Variants in PLXNA2 observed in about 807,000 individuals in gnomAD.
PLXNA2 encodes plexin A2.
In PLXNA2, 91 loss-of-function variants were observed where a neutral mutation model predicts 193.5. That is an observed-to-expected ratio of 0.47 (90% CI 0.40 to 0.56). The LOEUF (loss-of-function observed/expected upper bound fraction) is 0.56, where lower values mean the gene tolerates loss of function less well. Ranked by LOEUF, PLXNA2 falls within the 20% of genes least tolerant of loss-of-function variation. The pLI, the probability that PLXNA2 is intolerant of heterozygous loss-of-function variation, is 0.00. For synonymous variants in PLXNA2, 997 were observed against 1,027.3 expected (o/e 0.97, Z 0.56); for missense variants, 1,995 against 2,503.2 (o/e 0.80, Z 4.33).
intron 4 of PLXNA2, among the ~76,000 whole-genome samples, chr1:208,127,672 G>A (rs1243622574): frequency 1.3e-5 from 2 of 152,122 alleles, no homozygotes; most frequent in East Asian, 3.9e-4. Context: ...GAGGATGAAG[G>A]GAAAAGGATG....
intron 3 of PLXNA2, among the ~76,000 whole-genome samples, chr1:208,190,286 G>GAGTA (rs1164403242): frequency 6.6e-6 from 1 of 152,182 alleles, no homozygotes; most frequent in Non-Finnish European, 1.5e-5. Context: ...TTTTGTAGAT[G>GAGTA]AGTAGACTTT....
intron 2 of PLXNA2, among the ~76,000 whole-genome samples, chr1:208,210,706 C>T (rs1670914971): frequency 6.6e-6 from 1 of 152,190 alleles, no homozygotes; most frequent in South Asian, 2.1e-4. Flanking sequence ...GCTGGCGTCA[C>T]CTGTATCTAC....
intron 9 of PLXNA2, among the ~76,000 whole-genome samples, chr1:208,089,805 C>T (rs2498024): frequency 0.14 from 21,779 of 152,064 alleles, 1,821 homozygotes; most frequent in East Asian, 0.33. Flanking sequence ...CTAGGAACCC[C>T]TAAAGAGATA....
At chr1:208,206,396 A>G (rs755985899) in intron 3 of PLXNA2, among the ~76,000 whole-genome samples, 3 of 152,212 alleles carry the variant, frequency 2.0e-5, no homozygotes, top group Non-Finnish European at 4.4e-5. Flanking sequence ...CTAAAATCCC[A>G]AGATCCTTTT....
intron 2 of PLXNA2, among the ~76,000 whole-genome samples, chr1:208,214,660 A>T (rs1368081931): frequency 6.6e-6 from 1 of 152,158 alleles, no homozygotes; most frequent in Non-Finnish European, 1.5e-5. Flanking sequence ...AGCCCTCAGC[A>T]CTGTGTACAA....
At chr1:208,143,831 A>G (rs1393598823) in intron 3 of PLXNA2, among the ~76,000 whole-genome samples, 12 of 151,960 alleles carry the variant, frequency 7.9e-5, no homozygotes, top group Admixed American at 7.9e-4. Flanking sequence ...ATTGTTCTCT[A>G]ATTGCTTCAG....
At chr1:208,179,122 G>A (rs781653275) in intron 3 of PLXNA2, among the ~76,000 whole-genome samples, 7 of 152,198 alleles carry the variant, frequency 4.6e-5, no homozygotes, top group Non-Finnish European at 8.8e-5. Context: ...GAGGCCCTGT[G>A]GGTGGTTATG....
At chr1:208,031,142 G>C (rs2102299449) in intron 29 of PLXNA2, 1 of 1,002,730 alleles carries the variant, frequency 1.0e-6, no homozygotes. Flanking sequence ...GGGCGTCTCA[G>C]TTTAATTCAG....
rs1167211153 is a variant in PLXNA2, at chr1:208,044,879, C to T, written c.3640-137G>A. On this transcript the variant is annotated intron_variant, in intron 19 of 31. Transcript: ENST00000367033. This position sits in a 1 kb window ranked among gnomAD's most constrained non-coding sequence, Gnocchi z 4.9. ...TGCAGCTCTAGATAAAAAGCAATTT[C>T]CTGCCTCGGCATCTGCCTTTCTTTT... The T allele has an allele frequency of 3.0e-6, 3 of 984,174 alleles. No homozygotes were observed. Among genetic ancestry groups the T allele is most frequent in the South Asian group, 3.2e-5 (2 of 62,612 alleles). 61.0% of individuals were successfully genotyped at this position (984,174 alleles called of 1,614,324 possible).
chr1:208,101,884 C>T (rs1482611810), intron 5 of PLXNA2, among the ~76,000 whole-genome samples: 1 of 152,160 alleles, frequency 6.6e-6, no homozygotes, highest in Admixed American at 6.5e-5. Flanking sequence ...GAGCTGGCAG[C>T]AGGCTGTCAG....
intron 11 of PLXNA2, among the ~76,000 whole-genome samples, chr1:208,081,886 G>T (rs1210623114): frequency 1.3e-5 from 2 of 152,006 alleles, no homozygotes; most frequent in East Asian, 3.9e-4. Context: ...GATGAATAAG[G>T]GTCACCCTCA....
intron 9 of PLXNA2, among the ~76,000 whole-genome samples, chr1:208,088,716 C>G (rs907662727): frequency 6.6e-6 from 1 of 152,214 alleles, no homozygotes; most frequent in Non-Finnish European, 1.5e-5. Context: ...CAGTTTCCTC[C>G]TCTATAAAAT....
At chr1:208,169,793 T>G (rs999593389) in intron 3 of PLXNA2, among the ~76,000 whole-genome samples, 1 of 152,164 alleles carries the variant, frequency 6.6e-6, no homozygotes, top group Non-Finnish European at 1.5e-5. Flanking sequence ...AAGTATAGCC[T>G]TGGGCAAATC....
chr1:208,074,814 T>C (rs977995500), intron 12 of PLXNA2, among the ~76,000 whole-genome samples: 54 of 152,178 alleles, frequency 3.5e-4, no homozygotes, highest in African/African-American at 1.3e-3. Context: ...CTTTTCATCC[T>C]TCAAGAAGGA....
intron 12 of PLXNA2, among the ~76,000 whole-genome samples, chr1:208,064,836 C>A (rs1262857248): frequency 1.3e-5 from 2 of 152,058 alleles, no homozygotes; most frequent in Non-Finnish European, 2.9e-5. Flanking sequence ...AGGACACCAC[C>A]TTAGACCAGG....
At chr1:208,195,662 G>T (rs1275061999) in intron 3 of PLXNA2, among the ~76,000 whole-genome samples, 3 of 124,876 alleles carry the variant, frequency 2.4e-5, no homozygotes, top group Non-Finnish European at 3.4e-5. Context: ...GGGGGGGGGG[G>T]TTAGGGGTGG....
At chr1:208,205,848 C>T (rs1670703971) in intron 3 of PLXNA2, among the ~76,000 whole-genome samples, 1 of 152,174 alleles carries the variant, frequency 6.6e-6, no homozygotes, top group South Asian at 2.1e-4. Flanking sequence ...CCTGTTCTGC[C>T]CTCTGGGGCC....
rs751893998 is a variant in PLXNA2 at position 208,168,723 on chromosome 1, G to GTTTT, written c.1372-26261_1372-26260insAAAA. 1.6e-3 allele frequency among the ~76,000 whole-genome samples: 163 copies of GTTTT among 102,234 alleles called. 26 individuals are homozygous for GTTTT. Among genetic ancestry groups the GTTTT allele is most frequent in the African/African-American group, 3.9e-3 (111 of 28,270 alleles). The allele number at this position is 102,234 out of a possible 152,430, so 67.1% of individuals were successfully genotyped here. Reference sequence around the variant, plus strand: ...CAAAAAGAAGACAAAGAGTATGCGGGGTTTTTTTTTTTTTTTTTTTTTTTT... The same window carrying GTTTT: ...CAAAAAGAAGACAAAGAGTATGCGGGTTTTGTTTTTTTTTTTTTTTTTTTTTTTT... On this transcript the variant is annotated intron_variant, in intron 3 of 31. Coordinates refer to ENST00000367033, the MANE Select transcript of PLXNA2 (RefSeq NM_025179.4).
At chr1:208,238,240 C>T (rs1312359833) in intron 1 of PLXNA2, among the ~76,000 whole-genome samples, 2 of 152,314 alleles carry the variant, frequency 1.3e-5, no homozygotes, top group East Asian at 3.9e-4. Flanking sequence ...GCCCTGGGAT[C>T]CCTCCTCCTC....
Sources: allele counts gnomAD v4.1 joint callset (sites outside exome capture counted in the v4.1 genomes callset), GRCh38; gene constraint gnomAD v4.1.1; non-coding constraint Gnocchi (gnomAD v3.1); transcripts MANE v1.5; gene names NCBI Gene and HGNC (gene_info 2026-07-23, HGNC 2026-07-21).